The following LRRTM4 variants were observed in gnomAD, a reference collection of about 807,000 sequenced individuals.
LRRTM4 encodes leucine-rich repeat transmembrane neuronal protein 4.
Under a neutral mutation model 47.6 loss-of-function variants are expected in LRRTM4, and 25 were observed. The ratio of observed to expected loss-of-function variants is 0.53; its 90% CI spans 0.38 to 0.73. The LOEUF is 0.73. Among genes scored for constraint, LRRTM4 ranks in the 30% least tolerant of loss-of-function variants. The pLI is 0.00. For synonymous variants in LRRTM4, 311 were observed against 269.5 expected (o/e 1.15, Z -1.51); for missense variants, 638 against 713.4 (o/e 0.89, Z 1.20).
intron 3 of LRRTM4, among the ~76,000 whole-genome samples, chr2:76,865,011 C>T (rs1462284025): frequency 1.3e-5 from 2 of 151,676 alleles, no homozygotes. Context: ...TTGATTCTTA[C>T]TTAATTATAT....
chr2:77,100,189 T>C (rs1264264378), intron 3 of LRRTM4, among the ~76,000 whole-genome samples: 1 of 152,130 alleles, frequency 6.6e-6, no homozygotes, highest in African/African-American at 2.4e-5. Flanking sequence ...AGAGAGAGTA[T>C]CCATCATTTT....
At chr2:77,119,426 G>A (rs1159872731) in intron 3 of LRRTM4, among the ~76,000 whole-genome samples, 1 of 151,734 alleles carries the variant, frequency 6.6e-6, no homozygotes, top group African/African-American at 2.4e-5. Context: ...TCTTCCTTGG[G>A]TGTTAAGAAT....
At chr2:76,973,536 T>C (rs1277008398) in intron 3 of LRRTM4, among the ~76,000 whole-genome samples, 1 of 151,930 alleles carries the variant, frequency 6.6e-6, no homozygotes, top group Non-Finnish European at 1.5e-5. Flanking sequence ...TCTTCTTCAG[T>C]ATTTGGAACA....
At chr2:77,470,828 G>A (rs980815295) in intron 3 of LRRTM4, among the ~76,000 whole-genome samples, 1 of 152,094 alleles carries the variant, frequency 6.6e-6, no homozygotes, top group Admixed American at 6.6e-5. Context: ...GCAGAAGCAT[G>A]CCAGTTTTTT....
chr2:77,123,297 C>A (rs1042964870), intron 3 of LRRTM4, among the ~76,000 whole-genome samples: 14 of 150,756 alleles, frequency 9.3e-5, no homozygotes, highest in Admixed American at 2.0e-4. Context: ...CTTTTTATAT[C>A]TTTACACTAA....
chr2:77,305,283 T>A (rs1677242116), intron 3 of LRRTM4, among the ~76,000 whole-genome samples: 1 of 152,076 alleles, frequency 6.6e-6, no homozygotes, highest in African/African-American at 2.4e-5. Context: ...ACACAAATCC[T>A]ATACGCTGTA....
chr2:76,792,487 A>C (rs758328641), intron 3 of LRRTM4, among the ~76,000 whole-genome samples: 3 of 152,292 alleles, frequency 2.0e-5, no homozygotes, highest in Non-Finnish European at 2.9e-5. Flanking sequence ...TCAATTCCTG[A>C]AGAGTTTGTA....
intron 3 of LRRTM4, among the ~76,000 whole-genome samples, chr2:77,490,948 A>T (rs1236790830): frequency 6.6e-6 from 1 of 151,594 alleles, no homozygotes; most frequent in Non-Finnish European, 1.5e-5. Context: ...CAGTTCACAA[A>T]ATGATTCATT....
At chr2:76,996,593 T>C (rs1302305801) in intron 3 of LRRTM4, among the ~76,000 whole-genome samples, 5 of 152,142 alleles carry the variant, frequency 3.3e-5, no homozygotes, top group Non-Finnish European at 7.4e-5. Context: ...GCACTAATTC[T>C]TAAGTGCGAA....
At chr2:77,113,479 C>G (rs1671305595) in intron 3 of LRRTM4, among the ~76,000 whole-genome samples, 2 of 152,298 alleles carry the variant, frequency 1.3e-5, no homozygotes, top group African/African-American at 4.8e-5. Flanking sequence ...GCCCATGCCT[C>G]TAATCCACTT....
At chr2:77,039,988 C>G (rs1678970162) in intron 3 of LRRTM4, among the ~76,000 whole-genome samples, 2 of 150,786 alleles carry the variant, frequency 1.3e-5, no homozygotes. Flanking sequence ...TCTTTATAAT[C>G]AAAAGTATGA....
In LRRTM4 at chr2:77,181,816, A is replaced by G. The variant is rs138524203; in HGVS notation, c.1551+336502T>C. On this transcript the variant is annotated intron_variant, in intron 3 of 3. Transcript: ENST00000409884. ...TTATTTCGAAGTACACATAGAATGA[A>G]AAAAAGCTCAACCTCACTGATCACT... Among the ~76,000 whole-genome samples the G allele has an allele frequency of 5.9e-5, 9 of 152,292 alleles. No individual in the cohort carries two copies. In the East Asian group the frequency reaches 1.7e-3, roughly 29 times the overall value.
At chr2:77,220,998 G>A (rs1283962496) in intron 3 of LRRTM4, among the ~76,000 whole-genome samples, 1 of 152,222 alleles carries the variant, frequency 6.6e-6, no homozygotes, top group African/African-American at 2.4e-5. Context: ...CAGACTAACA[G>A]CTGATCTCTT....
At chr2:77,065,870 C>T (rs1019116038) in intron 3 of LRRTM4, among the ~76,000 whole-genome samples, 1 of 152,150 alleles carries the variant, frequency 6.6e-6, no homozygotes, top group Non-Finnish European at 1.5e-5. Flanking sequence ...GAGAATGATG[C>T]TAGCCTTATG....
chr2:76,808,442 T>TG (rs1462641633), intron 3 of LRRTM4, among the ~76,000 whole-genome samples: 29 of 89,062 alleles, frequency 3.3e-4, no homozygotes, highest in African/African-American at 1.5e-3. Context: ...ACATTGATTT[T>TG]GGGAAAAAAA....
intron 3 of LRRTM4, among the ~76,000 whole-genome samples, chr2:77,436,485 T>C (rs968422734): frequency 6.6e-6 from 1 of 151,812 alleles, no homozygotes; most frequent in Non-Finnish European, 1.5e-5. Flanking sequence ...TACCATAAGA[T>C]TAAATAAAAA....
chr2:77,505,181 C>T (rs1337496411), intron 3 of LRRTM4, among the ~76,000 whole-genome samples: 4 of 150,340 alleles, frequency 2.7e-5, no homozygotes, highest in Middle Eastern at 3.5e-3. Flanking sequence ...TAATTTATTC[C>T]AGAAATACAA....
chr2:76,932,952 G>A (rs190016933), intron 3 of LRRTM4, among the ~76,000 whole-genome samples: 24 of 152,136 alleles, frequency 1.6e-4, no homozygotes, highest in Admixed American at 8.5e-4. Context: ...CCATCAACCC[G>A]TCATCTACAT....
At chr2:77,091,182 A>G (rs1263126322) in intron 3 of LRRTM4, among the ~76,000 whole-genome samples, 1 of 151,472 alleles carries the variant, frequency 6.6e-6, no homozygotes, top group Non-Finnish European at 1.5e-5. Context: ...TTCCTGGACT[A>G]CAGCTATATC....
Sources: gnomAD v4.1 joint callset for allele counts (sites outside exome capture counted in the v4.1 genomes callset) on GRCh38, gnomAD v4.1.1 for gene constraint, MANE v1.5 for transcripts, NCBI Gene and HGNC (gene_info 2026-07-23, HGNC 2026-07-21) for gene names.